The following USP12 variants were observed in gnomAD, a reference collection of about 807,000 sequenced individuals.
USP12 encodes ubiquitin carboxyl-terminal hydrolase 12.
A neutral mutation model predicts 45.5 loss-of-function variants in USP12; 19 were observed. That is an observed-to-expected ratio of 0.42 (90% CI 0.29 to 0.61). USP12 has a LOEUF of 0.61. Ranked by LOEUF, USP12 falls within the 20% of genes least tolerant of loss-of-function variation. USP12 has a pLI of 0.22. For synonymous variants in USP12, 149 were observed against 148.8 expected (o/e 1.00, Z -0.01); for missense variants, 242 against 447.7 (o/e 0.54, Z 4.15).
chr13:27,152,680 C>T (rs1566004999), intron 1 of USP12, among the ~76,000 whole-genome samples: 1 of 152,100 alleles, frequency 6.6e-6, no homozygotes, highest in African/African-American at 2.4e-5. Flanking sequence ...TGGTGGCTCC[C>T]GCTTGTAATC....
chr13:27,073,725 C>T (rs527320226), intron 7 of USP12, among the ~76,000 whole-genome samples: 1 of 152,274 alleles, frequency 6.6e-6, no homozygotes, highest in South Asian at 2.1e-4. Flanking sequence ...GTTAATAGAA[C>T]AGTAGCAGTA....
chr13:27,116,359 C>G (rs1381733299), intron 2 of USP12, among the ~76,000 whole-genome samples, 157 bp downstream of exon 2: 1 of 151,602 alleles, frequency 6.6e-6, no homozygotes, highest in African/African-American at 2.4e-5. Context: ...TGTTTCCCTT[C>G]CCTTAAAGAT....
chr13:27,142,244 G>A (rs752801607), intron 1 of USP12, among the ~76,000 whole-genome samples: 5 of 152,118 alleles, frequency 3.3e-5, no homozygotes, highest in South Asian at 2.1e-4. Context: ...AGAAACAGCA[G>A]CCAAACCCAA....
At chr13:27,164,342 C>T (rs933628215) in intron 1 of USP12, among the ~76,000 whole-genome samples, 10 of 152,142 alleles carry the variant, frequency 6.6e-5, no homozygotes, top group Non-Finnish European at 1.2e-4. Flanking sequence ...TTTATTGGTA[C>T]GTAGCTTTGG....
intron 1 of USP12, 136 bp downstream of exon 1, chr13:27,171,447 CCCGCCCGGG>C (rs576664590): frequency 0.71 from 112,830 of 158,864 alleles, 50,796 homozygotes; most frequent in Admixed American, 0.92. Flanking sequence ...TCCAACCGCC[CCCGCCCGGG>C]CCGCCCGGGC....
intron 1 of USP12, among the ~76,000 whole-genome samples, chr13:27,139,883 CAG>C (rs1435744265): frequency 2.0e-5 from 3 of 152,164 alleles, no homozygotes; most frequent in Non-Finnish European, 2.9e-5. Context: ...GAAAGGGAAA[CAG>C]AGTTTCTGCC....
intron 6 of USP12, among the ~76,000 whole-genome samples, chr13:27,083,447 G>A (rs1873856820): frequency 1.3e-5 from 2 of 151,696 alleles, no homozygotes; most frequent in Admixed American, 1.3e-4. Context: ...CCTCCCCCTT[G>A]CCCCCATGCC....
intron 1 of USP12, among the ~76,000 whole-genome samples, chr13:27,155,209 G>A (rs1390685345): frequency 6.6e-6 from 1 of 150,406 alleles, no homozygotes; most frequent in African/African-American, 2.5e-5. Context: ...AGCCTCCCAA[G>A]TAGCTGGGAC....
At chr13:27,130,761 G>A (rs1365481153) in intron 1 of USP12, among the ~76,000 whole-genome samples, 2 of 152,164 alleles carry the variant, frequency 1.3e-5, no homozygotes, top group Non-Finnish European at 2.9e-5. Flanking sequence ...TTTTCAGTGA[G>A]TCACTTGTTG....
At chr13:27,135,209 G>C (rs1233298071) in intron 1 of USP12, among the ~76,000 whole-genome samples, 8 of 152,096 alleles carry the variant, frequency 5.3e-5, no homozygotes, top group Admixed American at 5.2e-4. Flanking sequence ...ATCAATAGCT[G>C]AAGGCAGAGG....
At chr13:27,163,768 T>TAAAAAAAAAAAAAAAAAAAAAAAAAAAA (rs34384911) in intron 1 of USP12, among the ~76,000 whole-genome samples, 1 of 83,298 alleles carries the variant, frequency 1.2e-5, no homozygotes, top group Non-Finnish European at 2.3e-5. Flanking sequence ...AGACCTGTCT[T>TAAAAAAAAAAAAAAAAAAAAAAAAAAAA]AAAAAAAAAA....
At chr13:27,149,564 G>A (rs191859870) in intron 1 of USP12, among the ~76,000 whole-genome samples, 1 of 152,282 alleles carries the variant, frequency 6.6e-6, no homozygotes, top group Non-Finnish European at 1.5e-5. Context: ...GCCATCAATT[G>A]TATTGATCTC....
intron 1 of USP12, among the ~76,000 whole-genome samples, chr13:27,152,813 G>A (rs1877634438): frequency 6.6e-6 from 1 of 151,906 alleles, no homozygotes; most frequent in African/African-American, 2.4e-5. Context: ...GTGGTGGCGG[G>A]CGCCTGTAGT....
chr13:27,160,495 T>TA (rs540739773), intron 1 of USP12, among the ~76,000 whole-genome samples: 8,916 of 145,068 alleles, frequency 0.061, 309 homozygotes, highest in African/African-American at 0.086. Context: ...GAACTGTCTT[T>TA]AAAAAAAAAA....
intron 2 of USP12, among the ~76,000 whole-genome samples, chr13:27,115,747 T>C (rs1016925580): frequency 6.6e-6 from 1 of 152,158 alleles, no homozygotes; most frequent in Non-Finnish European, 1.5e-5. Flanking sequence ...GATGTGCTTT[T>C]TCCCCACATT....
chr13:27,154,437 T>TA (rs1877723080), intron 1 of USP12, among the ~76,000 whole-genome samples: 1 of 152,214 alleles, frequency 6.6e-6, no homozygotes, highest in Non-Finnish European at 1.5e-5. Flanking sequence ...CTGCTGAGAC[T>TA]GGTAGTGTGC....
At chr13:27,113,540 C>T (rs966380202) in intron 2 of USP12, among the ~76,000 whole-genome samples, 4 of 152,212 alleles carry the variant, frequency 2.6e-5, no homozygotes, top group Admixed American at 6.5e-5. Context: ...ACATTGAGTA[C>T]CTCACCCAGA....
intron 2 of USP12, among the ~76,000 whole-genome samples, chr13:27,115,499 G>C (rs1875684456): frequency 6.6e-6 from 1 of 152,060 alleles, no homozygotes; most frequent in African/African-American, 2.4e-5. Flanking sequence ...CCACCAATCT[G>C]TTCAATATAA....
chr13:27,081,276 A>C (rs1040808022), intron 6 of USP12, among the ~76,000 whole-genome samples: 1 of 152,226 alleles, frequency 6.6e-6, no homozygotes, highest in Non-Finnish European at 1.5e-5. Flanking sequence ...AAGGTTATGT[A>C]ATATTCTAAA....
Sources: gnomAD v4.1 joint callset for allele counts (sites outside exome capture counted in the v4.1 genomes callset) on GRCh38, gnomAD v4.1.1 for gene constraint, MANE v1.5 for transcripts, NCBI Gene and HGNC (gene_info 2026-07-23, HGNC 2026-07-21) for gene names.